The following FRMD4A variants were observed in gnomAD, a reference collection of about 807,000 sequenced individuals.
FRMD4A encodes FERM domain-containing protein 4A.
Under a neutral mutation model 129.1 loss-of-function variants are expected in FRMD4A, and 29 were observed. The ratio of observed to expected loss-of-function variants is 0.22; its 90% CI spans 0.17 to 0.31. The LOEUF is 0.31. Ranked by LOEUF, FRMD4A falls within the 10% of genes least tolerant of loss-of-function variation. The pLI, the probability that FRMD4A is intolerant of heterozygous loss-of-function variation, is 1.00. For missense variants in FRMD4A, 1,272 were observed against 1,375.8 expected (o/e 0.92, Z 1.19); for synonymous variants, 634 against 571.6 (o/e 1.11, Z -1.56).
intron 23 of FRMD4A, 82 bp downstream of exon 23, chr10:13,654,334 C>T: frequency 1.1e-6 from 1 of 923,594 alleles, no homozygotes; most frequent in Non-Finnish European, 1.8e-6. Flanking sequence ...CATTTACTGA[C>T]ATATCCTTAT....
chr10:13,683,371 T>G (rs1326212), intron 15 of FRMD4A, among the ~76,000 whole-genome samples: 1 of 151,424 alleles, frequency 6.6e-6, no homozygotes, highest in South Asian at 2.1e-4. Flanking sequence ...GATTGCTTAA[T>G]GCCAGGAGTT....
chr10:13,868,262 C>A (rs1203499106), intron 2 of FRMD4A, among the ~76,000 whole-genome samples: 1 of 151,692 alleles, frequency 6.6e-6, no homozygotes, highest in Non-Finnish European at 1.5e-5. Context: ...TTTATATAAC[C>A]ATTTTTATTA....
At chr10:14,142,762 G>C (rs967838881) in intron 2 of FRMD4A, among the ~76,000 whole-genome samples, 3 of 152,180 alleles carry the variant, frequency 2.0e-5, no homozygotes, top group Admixed American at 2.0e-4. Context: ...TCTGAACTTG[G>C]ATCTTCCCAC....
chr10:14,316,888 T>A (rs1846761245), intron 2 of FRMD4A, among the ~76,000 whole-genome samples: 1 of 152,202 alleles, frequency 6.6e-6, no homozygotes, highest in South Asian at 2.1e-4. Flanking sequence ...TTAAAGCCAG[T>A]TTAAGCAGCT....
At chr10:13,675,157 AG>A in intron 15 of FRMD4A, 113 bp from the exon 16 acceptor site, 1 of 950,222 alleles carries the variant, frequency 1.1e-6, no homozygotes, top group South Asian at 1.4e-5. Flanking sequence ...CCAGGAATCA[AG>A]GGAGTGTGAA....
chr10:14,107,748 T>A (rs1176095720), intron 2 of FRMD4A, among the ~76,000 whole-genome samples: 10 of 152,212 alleles, frequency 6.6e-5, no homozygotes, highest in Admixed American at 6.5e-4. Context: ...ATCCTGAAAA[T>A]CACTCTATGG....
chr10:13,887,748 A>G (rs2094641955), intron 2 of FRMD4A, among the ~76,000 whole-genome samples: 1 of 152,206 alleles, frequency 6.6e-6, no homozygotes, highest in Admixed American at 6.5e-5. Context: ...AGTGCAATGT[A>G]CTAAACAGTA....
intron 6 of FRMD4A, among the ~76,000 whole-genome samples, chr10:13,781,368 C>CTTTTTTTTTTT (rs1161094661): frequency 2.8e-5 from 2 of 70,708 alleles, no homozygotes; most frequent in Admixed American, 1.8e-4. Flanking sequence ...ATGGATGAAC[C>CTTTTTTTTTTT]TTTTTTTTTT....
intron 2 of FRMD4A, among the ~76,000 whole-genome samples, chr10:13,985,748 A>G (rs1349260959): frequency 6.6e-6 from 1 of 152,224 alleles, no homozygotes; most frequent in Non-Finnish European, 1.5e-5. Flanking sequence ...CCTAGGGCAC[A>G]GGAGGGCCCC....
chr10:14,128,292 T>C (rs1839038932), intron 2 of FRMD4A, among the ~76,000 whole-genome samples: 1 of 151,956 alleles, frequency 6.6e-6, no homozygotes, highest in South Asian at 2.1e-4. Flanking sequence ...TTTGTAAAGA[T>C]AGGGTTTCAC....
At chr10:14,275,059 C>A (rs1015375898) in intron 2 of FRMD4A, among the ~76,000 whole-genome samples, 1 of 152,236 alleles carries the variant, frequency 6.6e-6, no homozygotes, top group Non-Finnish European at 1.5e-5. Flanking sequence ...GTGTACACTT[C>A]CTGCCCTGGT....
At chr10:14,002,409 C>G (rs950135148) in intron 2 of FRMD4A, among the ~76,000 whole-genome samples, 1 of 152,168 alleles carries the variant, frequency 6.6e-6, no homozygotes, top group Non-Finnish European at 1.5e-5. Context: ...TGTACTGACA[C>G]GTAAGAGTGA....
chr10:14,158,636 A>T lies in FRMD4A; in HGVS notation c.45+171422T>A, dbSNP rs188606462. The stretch of plus-strand genomic sequence containing the variant: ...ATCTCAAAAATAAATAAAAAAAAAG[A>T]AAGAGGAGAAGGAGGAGGAGAAGGG... On this transcript the variant is annotated intron_variant, in intron 2 of 24. Transcript: ENST00000357447. Among the ~76,000 whole-genome samples the T allele has an allele frequency of 4.2e-4, 64 of 151,604 alleles. 2 individuals are homozygous for T. The East Asian group carries it at 0.012, about 28-fold the overall frequency.
intron 2 of FRMD4A, among the ~76,000 whole-genome samples, chr10:14,019,117 A>G (rs557149500): frequency 6.6e-6 from 1 of 152,312 alleles, no homozygotes; most frequent in African/African-American, 2.4e-5. Flanking sequence ...CCAGAATAAT[A>G]GAAAAGAGGA....
At chr10:14,168,716 G>T (rs1841320606) in intron 2 of FRMD4A, among the ~76,000 whole-genome samples, 1 of 152,126 alleles carries the variant, frequency 6.6e-6, no homozygotes, top group Non-Finnish European at 1.5e-5. Context: ...GACGTGCCAA[G>T]ACCTGTCAGA....
chr10:14,310,022 A>C (rs1348944329), intron 2 of FRMD4A, among the ~76,000 whole-genome samples: 10 of 148,438 alleles, frequency 6.7e-5, no homozygotes, highest in African/African-American at 2.5e-4. Context: ...CGTGCATCTC[A>C]GTGCTGGGGT....
At chr10:14,071,403 T>C (rs1835311970) in intron 2 of FRMD4A, among the ~76,000 whole-genome samples, 2 of 152,212 alleles carry the variant, frequency 1.3e-5, no homozygotes, top group South Asian at 4.1e-4. Flanking sequence ...AGCTGAAAGA[T>C]AAACCGTATG....
intron 2 of FRMD4A, among the ~76,000 whole-genome samples, chr10:14,114,299 G>A (rs1838085536): frequency 6.6e-6 from 1 of 152,080 alleles, no homozygotes; most frequent in South Asian, 2.1e-4. Context: ...ACACAGGTAG[G>A]GCTTAAGGAG....
At chr10:14,231,939 G>A (rs1438265526) in intron 2 of FRMD4A, among the ~76,000 whole-genome samples, 1 of 152,112 alleles carries the variant, frequency 6.6e-6, no homozygotes, top group Non-Finnish European at 1.5e-5. Context: ...GTTTAATCAG[G>A]TCCCACTTGT....
Sources: allele counts gnomAD v4.1 joint callset (sites outside exome capture counted in the v4.1 genomes callset), GRCh38; gene constraint gnomAD v4.1.1; transcripts MANE v1.5; gene names NCBI Gene and HGNC (gene_info 2026-07-23, HGNC 2026-07-21).